FTO: variants seen among roughly 807,000 people sequenced by gnomAD.
The protein encoded by FTO is FTO alpha-ketoglutarate dependent dioxygenase.
FTO carries 47 observed loss-of-function variants against 63.9 expected under a neutral mutation model. The ratio of observed to expected loss-of-function variants is 0.74; its 90% CI spans 0.58 to 0.94. FTO has a LOEUF of 0.94. Ranked by LOEUF, FTO falls within the 40% of genes least tolerant of loss-of-function variation. The pLI, the probability that FTO is intolerant of heterozygous loss-of-function variation, is 0.00. For synonymous variants in FTO, 207 were observed against 224.4 expected (o/e 0.92, Z 0.69); for missense variants, 562 against 618.1 (o/e 0.91, Z 0.96).
intron 8 of FTO, among the ~76,000 whole-genome samples, chr16:53,961,336 G>A (rs897680918): frequency 2.6e-5 from 4 of 152,182 alleles, no homozygotes; most frequent in African/African-American, 9.7e-5. Context: ...GACTATTAAA[G>A]CTAGTAGCAG....
intron 8 of FTO, chr16:53,979,292 G>A (rs2083491306): frequency 2.5e-6 from 1 of 397,228 alleles, no homozygotes; most frequent in Admixed American, 4.4e-5. Flanking sequence ...TACATTGTAA[G>A]TTCCTAACAA....
At position 54,119,307 on chromosome 16, in the gene FTO, G is replaced by T. The variant is rs372222599; in HGVS notation, c.*7392G>T. On this transcript the variant is annotated 3_prime_UTR_variant, in exon 9 of 9. Coordinates refer to ENST00000471389, the MANE Select transcript of FTO (RefSeq NM_001080432.3). ...TCAAATAGGGAATTCGGCTTTCCACGTTGGAACCAGAACAGTTAACCTTCA... is the reference window on the plus strand; with the variant it reads ...TCAAATAGGGAATTCGGCTTTCCACTTTGGAACCAGAACAGTTAACCTTCA... 2 of 152,154 alleles carry T rather than the reference G, an allele frequency of 1.3e-5. No individual in the cohort carries two copies. Among genetic ancestry groups the T allele is most frequent in the African/African-American group, 2.4e-5 (1 of 41,430 alleles). The allele number at this position is 152,154 out of a possible 1,614,324, so 9.4% of individuals were successfully genotyped here. A position where few individuals can be genotyped will look rare whatever the true frequency, so the allele number is the denominator to read the frequency against.
intron 4 of FTO, among the ~76,000 whole-genome samples, chr16:53,850,976 A>G (rs1304324715): frequency 6.6e-6 from 1 of 152,184 alleles, no homozygotes; most frequent in Admixed American, 6.5e-5. Context: ...TTAGATCTCA[A>G]TAAAACTATT....
At chr16:54,104,330 T>G (rs1380516432) in intron 8 of FTO, among the ~76,000 whole-genome samples, 95 of 133,888 alleles carry the variant, frequency 7.1e-4, no homozygotes, top group African/African-American at 2.0e-3. Context: ...TTTTTTTTTT[T>G]GGGATGGAGT....
intron 3 of FTO, among the ~76,000 whole-genome samples, chr16:53,839,569 A>G (rs2079402461): frequency 6.6e-6 from 1 of 152,100 alleles, no homozygotes; most frequent in Non-Finnish European, 1.5e-5. Flanking sequence ...AATTGCAATT[A>G]TTGTCTCTAA....
intron 8 of FTO, among the ~76,000 whole-genome samples, chr16:54,030,343 A>G (rs752882350): frequency 6.6e-6 from 1 of 152,242 alleles, no homozygotes; most frequent in African/African-American, 2.4e-5. Context: ...GAAAGAAACT[A>G]CTTACTAAAA....
rs367614220 is a variant in FTO at position 54,031,488 on chromosome 16, C to T, written c.1365-80274C>T. Among the ~76,000 whole-genome samples, 17 of 152,052 alleles carry T rather than the reference C, an allele frequency of 1.1e-4. No homozygotes were observed. The East Asian group carries it at 1.9e-3, about 17-fold the overall frequency. On this transcript the variant is annotated intron_variant, in intron 8 of 8. Coordinates refer to ENST00000471389, the MANE Select transcript of FTO (RefSeq NM_001080432.3). Reference sequence around the variant, plus strand: ...CTGATTGGGTGGAGATGAAATAGCACGGGCGTCAAAACTGTCTTTGTGCCT... The same window carrying T: ...CTGATTGGGTGGAGATGAAATAGCATGGGCGTCAAAACTGTCTTTGTGCCT...
At chr16:53,712,945 GTT>G (rs111905901) in intron 1 of FTO, among the ~76,000 whole-genome samples, 4 of 137,012 alleles carry the variant, frequency 2.9e-5, no homozygotes, top group Non-Finnish European at 4.8e-5. Context: ...TAGAGATCAT[GTT>G]TTTTTTTTTT....
intron 8 of FTO, among the ~76,000 whole-genome samples, chr16:54,069,681 T>C (rs2085817752): frequency 6.6e-6 from 1 of 152,140 alleles, no homozygotes; most frequent in African/African-American, 2.4e-5. Flanking sequence ...TTAGTTGGAT[T>C]GGAGCTCCAG....
intron 1 of FTO, among the ~76,000 whole-genome samples, chr16:53,742,486 T>TG (rs1383556949): frequency 6.6e-6 from 1 of 152,104 alleles, no homozygotes; most frequent in African/African-American, 2.4e-5. Flanking sequence ...CCTTCTAAGG[T>TG]GGTTATAAAG....
At chr16:53,915,641 T>C (rs2081845470) in intron 7 of FTO, among the ~76,000 whole-genome samples, 1 of 152,158 alleles carries the variant, frequency 6.6e-6, no homozygotes, top group Non-Finnish European at 1.5e-5. Flanking sequence ...CAGCAGGTGG[T>C]AGACTCGAAC....
rs761068832 is a variant in FTO, at chr16:54,111,791, C to A, written c.1394C>A (p.Pro465His). The stretch of plus-strand genomic sequence containing the variant: ...CAGTCACGAATTGCCCGAACATTAC[C>A]TGCTGATCAGAAGCCAGAATGTCGG... ...RCQSRIARTL[P>H]ADQKPECRPY... The change falls in exon 9 of 9, where the codon CCT becomes CAT. Residue 465 changes from proline to histidine, a missense_variant. Physicochemically the swap from Pro to His is moderately conservative, Grantham distance 77 (BLOSUM62 -2). Coordinates refer to ENST00000471389, the MANE Select transcript of FTO (RefSeq NM_001080432.3). 4.3e-6 allele frequency: 7 copies of A among 1,613,950 alleles called. No homozygotes were observed. The highest frequency in any genetic ancestry group is 8.5e-7 in the Non-Finnish European group (1 of 1,180,030).
chr16:54,016,332 C>A (rs1047249217), intron 8 of FTO, among the ~76,000 whole-genome samples: 1 of 151,322 alleles, frequency 6.6e-6, no homozygotes, highest in African/African-American at 2.4e-5. Context: ...GACTTGTCCT[C>A]TTGGACCGAG....
intron 8 of FTO, among the ~76,000 whole-genome samples, chr16:54,050,735 G>T (rs1308015023): frequency 2.0e-5 from 3 of 152,150 alleles, no homozygotes; most frequent in African/African-American, 7.2e-5. Flanking sequence ...TGGCATGACC[G>T]CAGCCTAAAA....
chr16:53,954,898 G>A (rs1485219082), intron 8 of FTO, among the ~76,000 whole-genome samples: 1 of 152,022 alleles, frequency 6.6e-6, no homozygotes, highest in Admixed American at 6.6e-5. Flanking sequence ...ATTTAGAGTA[G>A]CAGAGATGGG....
At chr16:53,857,720 C>T (rs903408113) in intron 4 of FTO, among the ~76,000 whole-genome samples, 2 of 152,090 alleles carry the variant, frequency 1.3e-5, no homozygotes, top group East Asian at 1.9e-4. Flanking sequence ...GGAGAGGTGA[C>T]GTAGGTAATT....
chr16:53,874,932 T>C (rs951287522), intron 5 of FTO, among the ~76,000 whole-genome samples: 1 of 152,168 alleles, frequency 6.6e-6, no homozygotes, highest in African/African-American at 2.4e-5. Context: ...ATGCCCATGA[T>C]GCCCACCACT....
At chr16:53,739,497 A>C (rs930375307) in intron 1 of FTO, among the ~76,000 whole-genome samples, 2 of 151,918 alleles carry the variant, frequency 1.3e-5, no homozygotes, top group African/African-American at 4.8e-5. Flanking sequence ...TACAGGTGTG[A>C]GCCACTGTGC....
At chr16:53,781,612 T>C (rs1156497190) in intron 1 of FTO, among the ~76,000 whole-genome samples, 1 of 152,212 alleles carries the variant, frequency 6.6e-6, no homozygotes, top group Non-Finnish European at 1.5e-5. Context: ...TCATCGACCC[T>C]AGTTTGGGCT....
Sources: allele counts gnomAD v4.1 joint callset (sites outside exome capture counted in the v4.1 genomes callset), GRCh38; gene constraint gnomAD v4.1.1; transcripts MANE v1.5; gene names NCBI Gene and HGNC (gene_info 2026-07-23, HGNC 2026-07-21).